Variants in LHFPL6 observed in about 807,000 individuals in gnomAD.
The protein encoded by LHFPL6 is LHFPL tetraspan subfamily member 6 protein.
A neutral mutation model predicts 20.6 loss-of-function variants in LHFPL6; 9 were observed. The ratio of observed to expected loss-of-function variants is 0.44; its 90% CI spans 0.26 to 0.76. The LOEUF (loss-of-function observed/expected upper bound fraction) is 0.76. Among genes scored for constraint, LHFPL6 ranks in the 30% least tolerant of loss-of-function variants. The probability of loss-of-function intolerance (pLI) is 0.20; values close to 1 mark genes in which losing one functional copy is unlikely to be tolerated. For synonymous variants in LHFPL6, 105 were observed against 98.7 expected (o/e 1.06, Z -0.38); for missense variants, 218 against 253.5 (o/e 0.86, Z 0.95).
At chr13:39,443,843 T>C (rs1209630429) in intron 2 of LHFPL6, among the ~76,000 whole-genome samples, 2 of 151,582 alleles carry the variant, frequency 1.3e-5, no homozygotes, top group Non-Finnish European at 1.5e-5. Context: ...TTCAATAAGT[T>C]ACATGAGATA....
intron 2 of LHFPL6, among the ~76,000 whole-genome samples, chr13:39,471,797 T>A (rs1298327785): frequency 2.6e-5 from 4 of 152,240 alleles, no homozygotes; most frequent in African/African-American, 9.6e-5. Flanking sequence ...GAATTTATTC[T>A]TGTAGGAAAA....
rs1162470990 is a variant in LHFPL6 at position 39,352,952 on chromosome 13, T to C, written c.485-8898A>G. ...GTATATATATGTGTGTATATATATA[T>C]ACATACATACACACACACACATATA... On this transcript the variant is annotated intron_variant, in intron 3 of 3. Transcript: ENST00000379589. Among the ~76,000 whole-genome samples, 396 of 75,130 alleles carry C rather than the reference T, an allele frequency of 5.3e-3. 8 individuals are homozygous for C. Among genetic ancestry groups the C allele is most frequent in the African/African-American group, 0.01 (195 of 19,416 alleles). The allele number at this position is 75,130 out of a possible 152,430, so 49.3% of individuals were successfully genotyped here. A position where few individuals can be genotyped will look rare whatever the true frequency, so the allele number is the denominator to read the frequency against.
chr13:39,413,437 T>C (rs1871278327), intron 2 of LHFPL6, among the ~76,000 whole-genome samples: 1 of 92,270 alleles, frequency 1.1e-5, no homozygotes, highest in African/African-American at 3.4e-5. Flanking sequence ...ACTCAGGATT[T>C]TTTTTTTTTT....
At chr13:39,590,569 T>C (rs566341186) in intron 2 of LHFPL6, among the ~76,000 whole-genome samples, 2 of 152,340 alleles carry the variant, frequency 1.3e-5, no homozygotes, top group South Asian at 4.1e-4. Flanking sequence ...TTTCTGATTA[T>C]AACCAACACC....
chr13:39,583,219 G>A (rs919973438), intron 2 of LHFPL6, among the ~76,000 whole-genome samples: 4 of 147,012 alleles, frequency 2.7e-5, no homozygotes, highest in African/African-American at 7.6e-5. Context: ...TGTCACCCAG[G>A]CTGGAGTGCA....
rs1593364420 is a variant in LHFPL6 at position 39,562,465 on chromosome 13, C to CATAT, written c.385+38366_385+38367insATAT. Among the ~76,000 whole-genome samples the CATAT allele has an allele frequency of 9.9e-5, 10 of 101,324 alleles. No individual in the cohort carries two copies. The East Asian group carries it at 1.0e-3, about 11-fold the overall frequency. The allele number at this position is 101,324 out of a possible 152,430, so 66.5% of individuals were successfully genotyped here. The stretch of plus-strand genomic sequence containing the variant: ...ATATATACACATATATACATATATA[C>CATAT]ACATATACACATATACATATATACA... On this transcript the variant is annotated intron_variant, in intron 2 of 3. Coordinates refer to ENST00000379589, the MANE Select transcript of LHFPL6 (RefSeq NM_005780.3).
Position 39,388,018 on chromosome 13 carries a change from G to A in LHFPL6, c.386-9492C>T, listed in dbSNP as rs1392251592. Among the ~76,000 whole-genome samples the A allele has an allele frequency of 2.6e-5, 4 of 152,128 alleles. 1 individual carries two copies. Among genetic ancestry groups the A allele is most frequent in the Admixed American group, 2.6e-4 (4 of 15,264 alleles). ...CACACAAAAAGCTTCTGTCCAAAGAGAGCACATGGAGGTATAAAGATGAGA... is the reference window on the plus strand; with the variant it reads ...CACACAAAAAGCTTCTGTCCAAAGAAAGCACATGGAGGTATAAAGATGAGA... On this transcript the variant is annotated intron_variant, in intron 2 of 3. Coordinates refer to ENST00000379589, the MANE Select transcript of LHFPL6 (RefSeq NM_005780.3).
At chr13:39,462,792 C>T (rs1242608286) in intron 2 of LHFPL6, among the ~76,000 whole-genome samples, 1 of 152,156 alleles carries the variant, frequency 6.6e-6, no homozygotes, top group African/African-American at 2.4e-5. Flanking sequence ...GTTATTGTGA[C>T]CCTCAAAAAG....
At chr13:39,451,238 CTAT>C (rs1872438200) in intron 2 of LHFPL6, among the ~76,000 whole-genome samples, 1 of 152,046 alleles carries the variant, frequency 6.6e-6, no homozygotes, top group African/African-American at 2.4e-5. Context: ...ATGGAAGATA[CTAT>C]TAAGTTTGTT....
At chr13:39,456,953 C>G (rs556362067) in intron 2 of LHFPL6, among the ~76,000 whole-genome samples, 6 of 152,060 alleles carry the variant, frequency 3.9e-5, no homozygotes, top group Admixed American at 3.3e-4. Flanking sequence ...TGAGCCACCA[C>G]GCCCGGCTAA....
At position 39,569,436 on chromosome 13, in the gene LHFPL6, G is replaced by A. The variant is rs79123593; in HGVS notation, c.385+31396C>T. 2.8e-3 allele frequency among the ~76,000 whole-genome samples: 421 copies of A among 152,218 alleles called. 2 individuals are homozygous for A. Among genetic ancestry groups the A allele is most frequent in the African/African-American group, 9.7e-3 (401 of 41,546 alleles). ...GGTCTCATTTTCAAAAGGAGAAAAT[G>A]TTAGTTTTTGGAAATACAGGTCAAT... On this transcript the variant is annotated intron_variant, in intron 2 of 3. Transcript: ENST00000379589.
chr13:39,532,274 A>G (rs1205762507), intron 2 of LHFPL6, among the ~76,000 whole-genome samples: 2 of 152,042 alleles, frequency 1.3e-5, no homozygotes, highest in Non-Finnish European at 2.9e-5. Context: ...TGCCTACCAA[A>G]TGGAGTGGAC....
At chr13:39,451,937 T>TGC (rs1872455714) in intron 2 of LHFPL6, among the ~76,000 whole-genome samples, 1 of 152,170 alleles carries the variant, frequency 6.6e-6, no homozygotes, top group African/African-American at 2.4e-5. Flanking sequence ...TGTGTGTGTG[T>TGC]GTGTGTGTGT....
At chr13:39,375,403 G>C (rs1870262365) in intron 3 of LHFPL6, among the ~76,000 whole-genome samples, 1 of 152,192 alleles carries the variant, frequency 6.6e-6, no homozygotes, top group African/African-American at 2.4e-5. Flanking sequence ...AGAGTGAACA[G>C]GGATGGGCCA....
At chr13:39,466,441 TG>T (rs1459059045) in intron 2 of LHFPL6, among the ~76,000 whole-genome samples, 2 of 152,200 alleles carry the variant, frequency 1.3e-5, no homozygotes, top group African/African-American at 4.8e-5. Context: ...GGGATGAATA[TG>T]TCTCTGTATT....
intron 2 of LHFPL6, among the ~76,000 whole-genome samples, chr13:39,505,991 C>T (rs1320397682): frequency 2.0e-5 from 3 of 152,152 alleles, no homozygotes; most frequent in Non-Finnish European, 2.9e-5. Context: ...TCCTTTTAAC[C>T]TCTAACCACT....
At chr13:39,478,035 A>G (rs910744323) in intron 2 of LHFPL6, among the ~76,000 whole-genome samples, 1 of 152,222 alleles carries the variant, frequency 6.6e-6, no homozygotes, top group African/African-American at 2.4e-5. Context: ...TTTGAGAAGA[A>G]TTAAATCAAG....
intron 2 of LHFPL6, among the ~76,000 whole-genome samples, chr13:39,384,088 C>T (rs148764486): frequency 1.1e-4 from 16 of 152,326 alleles, no homozygotes; most frequent in African/African-American, 3.6e-4. Context: ...ACTGGTCAAA[C>T]TCTGACTGGT....
chr13:39,552,770 C>T (rs895292091), intron 2 of LHFPL6, among the ~76,000 whole-genome samples: 2 of 152,248 alleles, frequency 1.3e-5, no homozygotes, highest in South Asian at 2.1e-4. Flanking sequence ...AAGTGAAGGT[C>T]TCCACCCAAA....
Sources: gnomAD v4.1 joint callset for allele counts (sites outside exome capture counted in the v4.1 genomes callset) on GRCh38, gnomAD v4.1.1 for gene constraint, MANE v1.5 for transcripts, NCBI Gene and HGNC (gene_info 2026-07-23, HGNC 2026-07-21) for gene names.